The following FANCG variants were observed in gnomAD, a reference collection of about 807,000 sequenced individuals.
FANCG encodes Fanconi anemia group G protein.
FANCG carries 67 observed loss-of-function variants against 73.3 expected under a neutral mutation model. The ratio of observed to expected loss-of-function variants is 0.91; its 90% confidence interval spans 0.75 to 1.12. The LOEUF is 1.12. Among genes scored for constraint, FANCG ranks in the 50% most tolerant of loss-of-function variants. FANCG has a pLI of 0.00. For missense variants in FANCG, 643 were observed against 735.6 expected (o/e 0.87, Z 1.46); for synonymous variants, 297 against 311.6 (o/e 0.95, Z 0.49).
At position 35,076,833 on chromosome 9, in the gene FANCG, G is replaced by T; in HGVS notation, c.815C>A (p.Ala272Asp). 6.2e-7 allele frequency: 1 copy of T among 1,614,182 alleles called. No individual in the cohort carries two copies. Among genetic ancestry groups the T allele is most frequent in the Non-Finnish European group, 8.5e-7 (1 of 1,180,036 alleles). The change falls in exon 7 of 14, where the codon GCC (alanine) becomes GAC (aspartate). Residue 272 changes from alanine (A) to aspartate (D), a missense_variant. By Grantham distance (126) the Ala-to-Asp change is moderately radical. Coordinates refer to ENST00000378643, the MANE Select transcript of FANCG (RefSeq NM_004629.2). ...ACCCCAGGCTGATCCCTCTTTCAGG[G>T]CTGCAACCAAGTACAACAGTGCTCT... is the stretch of plus-strand genomic sequence containing the variant. ...PQRALLYLVA[A>D]LKEGSAWGPP...
chr9:35,079,027 C>A, intron 2 of FANCG, 124 bp downstream of exon 2: 2 of 851,580 alleles, frequency 2.3e-6, no homozygotes, highest in Admixed American at 2.0e-5. Flanking sequence ...CCACTCCAGT[C>A]TCCTCTGTGC....
chr9:35,077,190 A>G, intron 5 of FANCG, 74 bp downstream of exon 5: 1 of 1,613,798 alleles, frequency 6.2e-7, no homozygotes, highest in East Asian at 2.2e-5. Flanking sequence ...ATGGAACTGA[A>G]TGGGACAAGA....
chr9:35,077,456 A>T (rs1456938671), intron 4 of FANCG, 57 bp from the exon 5 acceptor site: 1 of 1,608,508 alleles, frequency 6.2e-7, no homozygotes, highest in East Asian at 2.2e-5. Flanking sequence ...GTCTTCTCCT[A>T]TCTCCATCTA....
Position 35,076,948 on chromosome 9 carries a change from A to G in FANCG, c.777+23T>C, listed in dbSNP as rs368006614. The G allele has an allele frequency of 1.5e-5, 25 of 1,613,908 alleles. No individual in the cohort carries two copies. The East Asian group carries it at 2.5e-4, about 16-fold the overall frequency. On this transcript the variant is annotated intron_variant, in intron 6 of 13. Coordinates refer to ENST00000378643, the MANE Select transcript of FANCG (RefSeq NM_004629.2). ...ATACATAATGCTTGTGGTTTCCCCA[A>G]TCCACCCTAGGACTGTCTTTACCAT...
At chr9:35,077,893 C>T (rs1162581582) in intron 4 of FANCG, 1 of 543,952 alleles carries the variant, frequency 1.8e-6, no homozygotes, top group African/African-American at 1.9e-5. Context: ...CTACCTCAGC[C>T]TCCCAAAGTG....
intron 4 of FANCG, 135 bp downstream of exon 4, chr9:35,078,006 G>C (rs894779451): frequency 2.4e-6 from 2 of 846,218 alleles, no homozygotes; most frequent in African/African-American, 3.3e-5. Flanking sequence ...TCACCCAAGA[G>C]TCCCAGAGAG....
chr9:35,079,700 C>T lies in FANCG; in HGVS notation c.-176G>A, dbSNP rs1829148474. ...CAGGCTTTCCAGGACAGATGGGACGCTCTCTCCCCGCGGCCCGCCGGGCTC... is the reference window on the plus strand; with the variant it reads ...CAGGCTTTCCAGGACAGATGGGACGTTCTCTCCCCGCGGCCCGCCGGGCTC... On this transcript the variant is annotated 5_prime_UTR_variant, in exon 1 of 14. Transcript: ENST00000378643. 1.5e-6 allele frequency: 1 copy of T among 663,976 alleles called. No individual in the cohort carries two copies. Among genetic ancestry groups the T allele is most frequent in the Non-Finnish European group, 2.7e-6 (1 of 376,666 alleles). The allele number at this position is 663,976 out of a possible 1,614,324, so 41.1% of individuals were successfully genotyped here. A position where few individuals can be genotyped will look rare whatever the true frequency, so the allele number is the denominator to read the frequency against.
At chr9:35,077,929 T>C in intron 4 of FANCG, 1 of 598,632 alleles carries the variant, frequency 1.7e-6, no homozygotes, top group Non-Finnish European at 3.0e-6. Flanking sequence ...TGAGCCACCA[T>C]GCCTGTCCAA....
rs1333892081 is a variant in FANCG at position 35,079,774 on chromosome 9, T to C, written c.-250A>G. The C allele has an allele frequency of 3.5e-6, 2 of 563,730 alleles. No homozygotes were observed. Among genetic ancestry groups the C allele is most frequent in the Non-Finnish European group, 6.4e-6 (2 of 313,290 alleles). The allele number at this position is 563,730 out of a possible 1,614,324, so 34.9% of individuals were successfully genotyped here. ...GGTCTGCGAAGCTCTGGGCTGCGGTTGGTCCTCTTGAAGAGTTAGTTCCCG... is the reference window on the plus strand; with the variant it reads ...GGTCTGCGAAGCTCTGGGCTGCGGTCGGTCCTCTTGAAGAGTTAGTTCCCG... On this transcript the variant is annotated 5_prime_UTR_variant, in exon 1 of 14. Transcript: ENST00000378643.
At chr9:35,079,282 T>G in intron 1 of FANCG, 41 bp from the exon 2 acceptor site, 3 of 1,582,998 alleles carry the variant, frequency 1.9e-6, no homozygotes, top group Non-Finnish European at 2.6e-6. Context: ...GATCAATCCT[T>G]TTTTCTCCCC....
chr9:35,079,821 G>A lies in FANCG; in HGVS notation c.-297C>T. The A allele has an allele frequency of 2.0e-6, 1 of 493,408 alleles. No individual in the cohort carries two copies. The highest frequency in any genetic ancestry group is 3.7e-6 in the Non-Finnish European group (1 of 267,558). 30.6% of individuals were successfully genotyped at this position (493,408 alleles called of 1,614,324 possible). A position where few individuals can be genotyped will look rare whatever the true frequency, so the allele number is the denominator to read the frequency against. ...CCCGCGGGAAACTCGGGGAGGAAAC[G>A]AGTCAGCAACCCCAAACAGGCTTAG... On this transcript the variant is annotated 5_prime_UTR_variant, in exon 1 of 14. Coordinates refer to ENST00000378643, the MANE Select transcript of FANCG (RefSeq NM_004629.2).
In FANCG at chr9:35,075,951, G is replaced by A; in HGVS notation, c.1143+11C>T. 6.2e-7 allele frequency: 1 copy of A among 1,614,016 alleles called. No homozygotes were observed. Among genetic ancestry groups the A allele is most frequent in the South Asian group, 1.1e-5 (1 of 91,072 alleles). On this transcript the variant is annotated intron_variant, in intron 9 of 13. Coordinates refer to ENST00000378643, the MANE Select transcript of FANCG (RefSeq NM_004629.2). ...CTACCCCATTGCAGAGAAGCTTGAA[G>A]ACACACCCACCCTTGGCTCCGAGCT...
intron 12 of FANCG, 24 bp from the exon 13 acceptor site, chr9:35,074,518 G>C (rs375560213): frequency 1.2e-5 from 19 of 1,609,516 alleles, no homozygotes; most frequent in Non-Finnish European, 1.6e-5. Context: ...CCAGAGTACA[G>C]AGTCTTAGAA....
chr9:35,074,656 A>T (rs1159429753), intron 12 of FANCG, 162 bp from the exon 13 acceptor site: 1 of 1,005,274 alleles, frequency 9.9e-7, no homozygotes, highest in African/African-American at 1.6e-5. Flanking sequence ...CCCAGTGTCC[A>T]TCATCTGCCC....
At position 35,079,706 on chromosome 9, in the gene FANCG, C is replaced by G; in HGVS notation, c.-182G>C. 1.5e-6 allele frequency: 1 copy of G among 646,908 alleles called. No individual in the cohort carries two copies. Among genetic ancestry groups the G allele is most frequent in the South Asian group, 1.7e-5 (1 of 58,052 alleles). 40.1% of individuals were successfully genotyped at this position (646,908 alleles called of 1,614,324 possible). A position where few individuals can be genotyped will look rare whatever the true frequency, so the allele number is the denominator to read the frequency against. On this transcript the variant is annotated 5_prime_UTR_variant, in exon 1 of 14. Coordinates refer to ENST00000378643, the MANE Select transcript of FANCG (RefSeq NM_004629.2). ...TTCCAGGACAGATGGGACGCTCTCT[C>G]CCCGCGGCCCGCCGGGCTCTCAACC...
intron 4 of FANCG, among the ~76,000 whole-genome samples, chr9:35,077,810 G>T (rs1482489588): frequency 6.6e-6 from 1 of 151,682 alleles, no homozygotes; most frequent in Non-Finnish European, 1.5e-5. Context: ...CAGGCTGCAG[G>T]GCTGGAGTGC....
rs1442157681 is a variant in FANCG, at chr9:35,076,603, A to G, written c.925-20T>C. 6.2e-7 allele frequency: 1 copy of G among 1,614,116 alleles called. No homozygotes were observed. The highest frequency in any genetic ancestry group is 8.5e-7 in the Non-Finnish European group (1 of 1,180,002). ...CAAGGCCTAAAAGAGAAAGAAAAAA[A>G]TTGTATCTATAATCTTTGGGAGCCA... On this transcript the variant is annotated intron_variant, in intron 7 of 13. Transcript: ENST00000378643.
At chr9:35,077,639 G>A (rs1191798461) in intron 4 of FANCG, among the ~76,000 whole-genome samples, 3 of 152,038 alleles carry the variant, frequency 2.0e-5, no homozygotes, top group Non-Finnish European at 4.4e-5. Context: ...GGGCAGTGAT[G>A]ATCTATTCCA....
Position 35,073,842 on chromosome 9 carries a change from AT to A in FANCG, c.*265del. ...TATATGTAGTAGGCAGACGAGATAAATATGAAATTTTACTCGACAACAGAAA... is the reference window on the plus strand; with the variant it reads ...TATATGTAGTAGGCAGACGAGATAAAATGAAATTTTACTCGACAACAGAAA... On this transcript the variant is annotated 3_prime_UTR_variant, in exon 14 of 14. Transcript: ENST00000378643. The A allele has an allele frequency of 1.8e-6, 1 of 545,472 alleles. No individual in the cohort carries two copies. The highest frequency in any genetic ancestry group is 3.3e-6 in the Non-Finnish European group (1 of 303,872). 33.8% of individuals were successfully genotyped at this position (545,472 alleles called of 1,614,324 possible).
Sources: allele counts gnomAD v4.1 joint callset (sites outside exome capture counted in the v4.1 genomes callset), GRCh38; gene constraint gnomAD v4.1.1; transcripts MANE v1.5; gene names NCBI Gene and HGNC (gene_info 2026-07-23, HGNC 2026-07-21).